Variants in CYP4Z1 observed in about 807,000 individuals in gnomAD.
CYP4Z1 encodes cytochrome P450 family 4 subfamily Z member 1, also known as cytochrome P450 4Z1.
CYP4Z1 carries 41 observed loss-of-function variants against 54.2 expected under a neutral mutation model. That is an observed-to-expected ratio of 0.76 (90% CI 0.59 to 0.98). The LOEUF (loss-of-function observed/expected upper bound fraction) is 0.98, where lower values mean the gene tolerates loss of function less well. Ranked by LOEUF, CYP4Z1 falls within the 50% of genes least tolerant of loss-of-function variation. The pLI is 0.00. For missense variants in CYP4Z1, 513 were observed against 599.0 expected (o/e 0.86, Z 1.50); for synonymous variants, 163 against 206.2 (o/e 0.79, Z 1.79).
chr1:47,084,518 T>G, intron 4 of CYP4Z1, 102 bp from the exon 5 acceptor site: 1 of 1,529,656 alleles, frequency 6.5e-7, no homozygotes. Flanking sequence ...TTTGTACGCT[T>G]TATATTTTCA....
In CYP4Z1 at chr1:47,106,257, T is replaced by C. The variant is rs752110501; in HGVS notation, c.1197T>C (p.Pro399=). 6.3e-7 allele frequency: 1 copy of C among 1,587,974 alleles called. No individual in the cohort carries two copies. Among genetic ancestry groups the C allele is most frequent in the Non-Finnish European group, 8.5e-7 (1 of 1,173,830 alleles). The change falls in exon 9 of 12, where the codon CCT becomes CCC. Residue 399 remains proline (P), a synonymous_variant. Coordinates refer to ENST00000334194, the MANE Select transcript of CYP4Z1 (RefSeq NM_178134.3). ...PITFPDGRSL[P]AGITVFINIW... ...CCTTTCCAGATGGACGCTCCTTACC[T>C]GCAGGTCTTAAAACTTTTTTTTTTT...
intron 2 of CYP4Z1, among the ~76,000 whole-genome samples, chr1:47,077,619 T>C (rs1386964569): frequency 1.3e-5 from 2 of 152,098 alleles, no homozygotes; most frequent in Non-Finnish European, 1.5e-5. Context: ...GTTTTTTATA[T>C]GTCTTATTTT....
intron 1 of CYP4Z1, 145 bp from the exon 2 acceptor site, chr1:47,068,477 A>G: frequency 4.9e-6 from 5 of 1,010,406 alleles, no homozygotes; most frequent in Non-Finnish European, 7.3e-6. Flanking sequence ...ACACATGGAG[A>G]AGAAAACTTG....
At chr1:47,092,399 T>G (rs1407736362) in intron 6 of CYP4Z1, among the ~76,000 whole-genome samples, 1 of 151,892 alleles carries the variant, frequency 6.6e-6, no homozygotes, top group African/African-American at 2.4e-5. Flanking sequence ...GCTTCTGTAC[T>G]TTCCTTCTAA....
chr1:47,068,533 C>A (rs1404633439), intron 1 of CYP4Z1, 89 bp from the exon 2 acceptor site: 5 of 1,525,446 alleles, frequency 3.3e-6, no homozygotes, highest in Non-Finnish European at 3.6e-6. Flanking sequence ...GTCCACAGAT[C>A]CTCAACTTAG....
chr1:47,083,139 G>A (rs1352777519), intron 4 of CYP4Z1, among the ~76,000 whole-genome samples: 2 of 151,948 alleles, frequency 1.3e-5, no homozygotes, highest in Non-Finnish European at 2.9e-5. Context: ...AAGATCCCAG[G>A]CATGGAGTAA....
intron 2 of CYP4Z1, among the ~76,000 whole-genome samples, chr1:47,076,251 T>G (rs1003739279): frequency 1.3e-5 from 2 of 151,300 alleles, no homozygotes; most frequent in Non-Finnish European, 2.9e-5. Context: ...TGTTTGTTAA[T>G]TTTTTTCTAT....
In CYP4Z1 at chr1:47,106,158, G is replaced by A. The variant is rs151236717; in HGVS notation, c.1098G>A (p.Thr366=). 2.4e-4 allele frequency: 387 copies of A among 1,613,790 alleles called. No homozygotes were observed. The African/African-American group carries it at 4.3e-3, about 18-fold the overall frequency. The change falls in exon 9 of 12, where the codon ACG becomes ACA. Residue 366 remains threonine (T), a synonymous_variant. Coordinates refer to ENST00000334194, the MANE Select transcript of CYP4Z1 (RefSeq NM_178134.3). ...ACCTGAGCCAGATGCCTTACACCAC[G>A]ATGTGCATCAAGGAATGCCTCCGCC... is the stretch of plus-strand genomic sequence containing the variant. ...WEHLSQMPYT[T]MCIKECLRLY... is the part of the protein sequence containing the mutation.
At position 47,106,183 on chromosome 1, in the gene CYP4Z1, C is replaced by T. The variant is rs1159495159; in HGVS notation, c.1123C>T (p.Leu375Phe). The change falls in exon 9 of 12, where the codon CTC becomes TTC. Residue 375 changes from leucine (L) to phenylalanine (F), a missense_variant. By Grantham distance (22) the Leu-to-Phe change is conservative. Transcript: ENST00000334194. ...TTMCIKECLR[L>F]YAPVVNISRL... ...GATGTGCATCAAGGAATGCCTCCGC[C>T]TCTACGCACCGGTAGTAAACATATC... 9.9e-6 allele frequency: 16 copies of T among 1,614,026 alleles called. No homozygotes were observed. The highest frequency in any genetic ancestry group is 1.4e-5 in the Non-Finnish European group (16 of 1,180,002).
At chr1:47,097,733 GC>G (rs1188340093) in intron 7 of CYP4Z1, among the ~76,000 whole-genome samples, 1 of 151,572 alleles carries the variant, frequency 6.6e-6, no homozygotes, top group Non-Finnish European at 1.5e-5. Flanking sequence ...ATTTGGAGAG[GC>G]CTCCAGCTTT....
At chr1:47,091,882 C>T (rs3863637) in intron 6 of CYP4Z1, among the ~76,000 whole-genome samples, 1 of 146,834 alleles carries the variant, frequency 6.8e-6, no homozygotes, top group African/African-American at 2.5e-5. Flanking sequence ...CCTTCCGGTC[C>T]TGCTGTGGGA....
intron 9 of CYP4Z1, 23 bp from the exon 10 acceptor site, chr1:47,115,506 T>G (rs751954373): frequency 6.2e-6 from 10 of 1,608,346 alleles, no homozygotes; most frequent in Non-Finnish European, 5.9e-6. Context: ...TGCACTTACC[T>G]GCTTTTTCTT....
At chr1:47,062,312 G>A (rs901914448), upstream of CYP4Z1, among the ~76,000 whole-genome samples, 41 of 152,336 alleles carry the variant, frequency 2.7e-4, no homozygotes, top group African/African-American at 9.6e-4. Flanking sequence ...ACCACTGCAG[G>A]AACATACCGG....
chr1:47,061,710 C>G, the CYP4Z1 span, among the ~76,000 whole-genome samples: 2 of 152,148 alleles, frequency 1.3e-5, no homozygotes, highest in Non-Finnish European at 2.9e-5. Context: ...GGTACCAAAA[C>G]CTGGCAGAGA....
chr1:47,098,410 T>G (rs549961324), intron 7 of CYP4Z1, among the ~76,000 whole-genome samples: 1 of 152,358 alleles, frequency 6.6e-6, no homozygotes, highest in African/African-American at 2.4e-5. Context: ...ATGATTTGGC[T>G]CTTGGATTAC....
chr1:47,060,924 A>G, the CYP4Z1 span, among the ~76,000 whole-genome samples: 7 of 152,168 alleles, frequency 4.6e-5, no homozygotes, highest in African/African-American at 1.7e-4. Flanking sequence ...ATAATTACAT[A>G]GAAATTAAAC....
Position 47,096,180 on chromosome 1 carries a change from GAC to G in CYP4Z1, c.876+1513_876+1514del, listed in dbSNP as rs1252640708. On this transcript the variant is annotated intron_variant, in intron 7 of 11. Coordinates refer to ENST00000334194, the MANE Select transcript of CYP4Z1 (RefSeq NM_178134.3). ...ATACCTGTAATCCAGCGACTCAGAA[GAC>G]AGAGGCAGGAGGATCACTTAAGGCC... 1.1e-4 allele frequency among the ~76,000 whole-genome samples: 16 copies of G among 152,322 alleles called. No homozygotes were observed. The East Asian group carries it at 2.7e-3, about 26-fold the overall frequency.
At chr1:47,067,694 G>A (rs780893510) in intron 1 of CYP4Z1, 27 bp downstream of exon 1, 1 of 1,560,660 alleles carries the variant, frequency 6.4e-7, no homozygotes, top group African/African-American at 1.4e-5. Context: ...AGTTGGGGAG[G>A]TTAAGGGACA....
chr1:47,105,019 C>T lies in CYP4Z1; in HGVS notation c.1068-1109C>T, dbSNP rs535520705. Among the ~76,000 whole-genome samples the T allele has an allele frequency of 4.6e-5, 7 of 152,218 alleles. No individual in the cohort carries two copies. The South Asian group carries it at 1.5e-3, about 32-fold the overall frequency. On this transcript the variant is annotated intron_variant, in intron 8 of 11. Transcript: ENST00000334194. ...GAGGCGCTGCTTTCATTTGGAGCAG[C>T]CATAAGCAAAAGGCTTTTGTGGGAT...
Sources: allele counts gnomAD v4.1 joint callset (sites outside exome capture counted in the v4.1 genomes callset), GRCh38; gene constraint gnomAD v4.1.1; transcripts MANE v1.5; gene names NCBI Gene and HGNC (gene_info 2026-07-23, HGNC 2026-07-21).